Variants in FBN2 observed in about 807,000 individuals in gnomAD.
FBN2 encodes the protein fibrillin-2.
A neutral mutation model predicts 355.6 loss-of-function variants in FBN2; 105 were observed. That is an observed-to-expected ratio of 0.30 (90% CI 0.25 to 0.35). FBN2 has a LOEUF of 0.35. FBN2 is among the 10% of genes least tolerant of loss of function. FBN2 has a pLI of 1.00. For synonymous variants in FBN2, 1,350 were observed against 1,301.2 expected, an observed-to-expected ratio of 1.04 and a Z score of -0.81; for missense variants, 3,280 against 3,758.7, an observed-to-expected ratio of 0.87 and a Z score of 3.33.
intron 5 of FBN2, among the ~76,000 whole-genome samples, chr5:128,466,968 A>T (rs889693297): frequency 6.6e-6 from 1 of 152,168 alleles, no homozygotes; most frequent in Non-Finnish European, 1.5e-5. Flanking sequence ...ATACGTGGGG[A>T]AAAGTCTGTT....
chr5:128,349,114 T>G (rs1316107175), intron 23 of FBN2, among the ~76,000 whole-genome samples: 1 of 152,186 alleles, frequency 6.6e-6, no homozygotes, highest in African/African-American at 2.4e-5. Flanking sequence ...GTTAAAGAAA[T>G]GGAAGATTTT....
chr5:128,433,142 C>T (rs1054533408), intron 7 of FBN2, among the ~76,000 whole-genome samples: 2 of 151,848 alleles, frequency 1.3e-5, no homozygotes, highest in Non-Finnish European at 2.9e-5. Flanking sequence ...ATATCAGATG[C>T]CTTAAAAAAA....
intron 46 of FBN2, among the ~76,000 whole-genome samples, chr5:128,302,019 A>G (rs1242513809): frequency 6.6e-6 from 1 of 152,224 alleles, no homozygotes; most frequent in African/African-American, 2.4e-5. Context: ...TTAAGTATTA[A>G]GTTTTCATTT....
chr5:128,336,547 G>C (rs1342958104), intron 27 of FBN2, among the ~76,000 whole-genome samples: 2 of 152,158 alleles, frequency 1.3e-5, no homozygotes, highest in Non-Finnish European at 2.9e-5. Flanking sequence ...CGCTCACCTG[G>C]TCTATATTAG....
chr5:128,357,522 G>A (rs1432644653), intron 19 of FBN2, 127 bp from the exon 20 acceptor site: 6 of 1,100,368 alleles, frequency 5.5e-6, no homozygotes, highest in Admixed American at 1.8e-5. Context: ...ATGGATCTAT[G>A]AAGCATAAAG....
At position 128,414,671 on chromosome 5, in the gene FBN2, C is replaced by T. The variant is rs182028898; in HGVS notation, c.953-5872G>A. On this transcript the variant is annotated intron_variant, in intron 7 of 64. Coordinates refer to ENST00000262464, the MANE Select transcript of FBN2 (RefSeq NM_001999.4). ...CTAGAAGTGGAATTGCTGAGTCATA[C>T]AGTAATTCTATGTTTAACTTGTTGA... is the stretch of plus-strand genomic sequence containing the variant. Among the ~76,000 whole-genome samples the T allele has an allele frequency of 1.1e-4, 17 of 152,196 alleles. 1 individual carries two copies. Among genetic ancestry groups the T allele is most frequent in the Admixed American group, 7.2e-4 (11 of 15,292 alleles).
intron 62 of FBN2, among the ~76,000 whole-genome samples, chr5:128,267,310 G>A (rs1232026815): frequency 1.3e-5 from 2 of 152,146 alleles, no homozygotes; most frequent in Non-Finnish European, 2.9e-5. Flanking sequence ...ATAGTAGAAT[G>A]ATCTATATTC....
At chr5:128,372,050 T>G (rs78729308) in intron 15 of FBN2, among the ~76,000 whole-genome samples, 68 of 152,350 alleles carry the variant, frequency 4.5e-4, no homozygotes, top group African/African-American at 1.6e-3. Context: ...ATAATATCAG[T>G]AGTAGTTAAC....
chr5:128,416,809 T>C (rs540037293), intron 7 of FBN2, among the ~76,000 whole-genome samples: 13 of 152,298 alleles, frequency 8.5e-5, no homozygotes, highest in Admixed American at 2.0e-4. Context: ...CCTTGTAATA[T>C]ATTTTTGAAG....
Position 128,336,017 on chromosome 5 carries a change from T to C in FBN2, c.3695A>G (p.Gln1232Arg). The C allele has an allele frequency of 6.2e-7, 1 of 1,614,080 alleles. No homozygotes were observed. Among genetic ancestry groups the C allele is most frequent in the East Asian group, 2.2e-5 (1 of 44,892 alleles). Residue 1232 changes from glutamine to arginine, a missense_variant, in exon 28 of 65, where the codon CAG (glutamine) becomes CGG (arginine). Gln to Arg is a conservative substitution (Grantham distance 43, BLOSUM62 1). Transcript: ENST00000262464. ...TYQCSCNPGY[Q>R]ATPDRQGCTD... The stretch of plus-strand genomic sequence containing the variant: ...ACAGCCCTGGCGGTCTGGCGTAGCC[T>C]GATATCCAGGATTGCAAGAGCACTG...
At chr5:128,306,214 C>G (rs895599538) in intron 42 of FBN2, among the ~76,000 whole-genome samples, 1 of 152,194 alleles carries the variant, frequency 6.6e-6, no homozygotes, top group Non-Finnish European at 1.5e-5. Context: ...TCTAGGCAAT[C>G]AAACCCCTTC....
chr5:128,495,743 T>C (rs1755639604), intron 5 of FBN2, among the ~76,000 whole-genome samples: 1 of 152,130 alleles, frequency 6.6e-6, no homozygotes. Context: ...GGCAAACCTT[T>C]AGCTAGACTG....
rs770803581 is a variant in FBN2, at chr5:128,311,311, C to G, written c.5063G>C (p.Arg1688Pro). ...CAAATTCATCTCACCTTCACAGATG[C>G]GGGTATCCTCGCTGAGGTAGTAGCC... Reference protein sequence around the residue: ...PQGYYLSEDTRICEDIDECFA... With the variant: ...PQGYYLSEDTPICEDIDECFA... The change falls in exon 39 of 65, where the codon CGC becomes CCC. Residue 1688 changes from arginine (R) to proline (P), a missense_variant. Arg to Pro is a moderately radical substitution (Grantham distance 103, BLOSUM62 -2). This residue lies in a region of FBN2 where 2,284 missense variants were observed against 2,749.5 expected (regional missense o/e 0.83). Transcript: ENST00000262464. 1 of 1,613,940 alleles carries G rather than the reference C, an allele frequency of 6.2e-7. No individual in the cohort carries two copies. The highest frequency in any genetic ancestry group is 1.3e-5 in the African/African-American group (1 of 74,920).
chr5:128,309,339 G>A lies in FBN2; in HGVS notation c.5261C>T (p.Pro1754Leu), dbSNP rs2126842996. Reference protein sequence around the residue: ...YNGTTCENELPFNVTKRMCCC... With the variant: ...YNGTTCENELLFNVTKRMCCC... ...GCACATCCTTTTTGTCACATTGAAA[G>A]GCAACTCATTCTCACAAGTGGTTCC... The change falls in exon 41 of 65, where the codon CCT becomes CTT. Residue 1754 changes from proline (P) to leucine (L), a missense_variant. This residue lies in a region of FBN2 where 2,284 missense variants were observed against 2,749.5 expected (regional missense o/e 0.83). Coordinates refer to ENST00000262464, the MANE Select transcript of FBN2 (RefSeq NM_001999.4). 4 of 1,614,022 alleles carry A rather than the reference G, an allele frequency of 2.5e-6. No homozygotes were observed. In the East Asian group the frequency reaches 6.7e-5, roughly 27 times the overall value.
chr5:128,469,191 G>T (rs917559471), intron 5 of FBN2, among the ~76,000 whole-genome samples: 4 of 152,146 alleles, frequency 2.6e-5, no homozygotes, highest in Non-Finnish European at 5.9e-5. Flanking sequence ...TTTACAGTTT[G>T]TTGGGGGAAA....
At chr5:128,336,757 AAAT>A (rs1750853517) in intron 27 of FBN2, among the ~76,000 whole-genome samples, 2 of 152,234 alleles carry the variant, frequency 1.3e-5, no homozygotes, top group Non-Finnish European at 2.9e-5. Flanking sequence ...GGTGCCTTAA[AAAT>A]AAACTAGTAC....
intron 11 of FBN2, among the ~76,000 whole-genome samples, chr5:128,383,485 T>G (rs1473950912): frequency 1.3e-5 from 2 of 152,014 alleles, no homozygotes; most frequent in African/African-American, 2.4e-5. Context: ...TCGTCGGAAT[T>G]AAAAATTACA....
In FBN2 at chr5:128,537,103, C is replaced by T. The variant is rs1756869383; in HGVS notation, c.254+247G>A. On this transcript the variant is annotated intron_variant, in intron 1 of 64. Transcript: ENST00000262464. ...CTCTGCACACGCTCTGCGATCGGCA[C>T]CCCTGGACCCCCTAACCACCCGCCG... Among the ~76,000 whole-genome samples, 8 of 152,120 alleles carry T rather than the reference C, an allele frequency of 5.3e-5. No individual in the cohort carries two copies. In the South Asian group the frequency reaches 1.7e-3, roughly 32 times the overall value.
At chr5:128,479,127 A>G (rs1031445280) in intron 5 of FBN2, among the ~76,000 whole-genome samples, 4 of 152,242 alleles carry the variant, frequency 2.6e-5, no homozygotes, top group Non-Finnish European at 5.9e-5. Context: ...ATCTTGTGAC[A>G]TGACCGTAAC....
Sources: gnomAD v4.1 joint callset for allele counts (sites outside exome capture counted in the v4.1 genomes callset) on GRCh38, gnomAD v4.1.1 for gene constraint, gnomAD v4.1.1 regional missense constraint, MANE v1.5 for transcripts, NCBI Gene and HGNC (gene_info 2026-07-23, HGNC 2026-07-21) for gene names.